Variants in LIN7A observed in about 807,000 individuals in gnomAD.
LIN7A encodes the protein lin-7 cell polarity scaffold A, also known as protein lin-7 homolog A.
A neutral mutation model predicts 29.8 loss-of-function variants in LIN7A; 25 were observed. The ratio of observed to expected loss-of-function variants is 0.84; its 90% CI spans 0.61 to 1.17. LIN7A has a LOEUF of 1.17. Among genes scored for constraint, LIN7A ranks in the 50% most tolerant of loss-of-function variants. The pLI is 0.00. For missense variants in LIN7A, 239 were observed against 287.0 expected (o/e 0.83, Z 1.21); for synonymous variants, 118 against 107.5 (o/e 1.10, Z -0.60).
intron 2 of LIN7A, among the ~76,000 whole-genome samples, chr12:80,865,642 C>A (rs1228043422): frequency 6.6e-6 from 1 of 152,164 alleles, no homozygotes; most frequent in Admixed American, 6.5e-5. Flanking sequence ...AGATTCTCTG[C>A]AAGATGATGG....
chr12:80,906,532 G>C (rs908758536), intron 1 of LIN7A, among the ~76,000 whole-genome samples: 21 of 151,900 alleles, frequency 1.4e-4, no homozygotes, highest in African/African-American at 5.1e-4. Context: ...GCTTTCTCAG[G>C]TTCATGCTTT....
At chr12:80,849,523 C>A (rs6539533) in intron 2 of LIN7A, among the ~76,000 whole-genome samples, 100,347 of 151,836 alleles carry the variant, frequency 0.66, 34,818 homozygotes, top group East Asian at 0.92. Context: ...GCCATCAAAC[C>A]ATATACACTT....
At chr12:80,824,098 A>G (rs1186236740) in intron 4 of LIN7A, among the ~76,000 whole-genome samples, 1 of 152,210 alleles carries the variant, frequency 6.6e-6, no homozygotes, top group Non-Finnish European at 1.5e-5. Context: ...ATTTGAAAAG[A>G]CAAATAAAAT....
At chr12:80,809,078 TG>T (rs1333107851) in intron 5 of LIN7A, among the ~76,000 whole-genome samples, 1 of 151,580 alleles carries the variant, frequency 6.6e-6, no homozygotes, top group Non-Finnish European at 1.5e-5. Flanking sequence ...CTCCATCTCC[TG>T]GGTTCAAGCA....
intron 2 of LIN7A, among the ~76,000 whole-genome samples, chr12:80,874,987 C>A (rs948259698): frequency 3.3e-5 from 5 of 152,090 alleles, no homozygotes; most frequent in Non-Finnish European, 7.4e-5. Context: ...GGTGACAGAG[C>A]GAGATTCTGT....
intron 1 of LIN7A, among the ~76,000 whole-genome samples, chr12:80,910,355 T>C (rs938345651): frequency 1.3e-4 from 20 of 152,166 alleles, no homozygotes; most frequent in African/African-American, 4.1e-4. Context: ...TCCATTCAAA[T>C]CTATATTACG....
At chr12:80,882,841 G>A (rs1258998123) in intron 2 of LIN7A, among the ~76,000 whole-genome samples, 1 of 152,040 alleles carries the variant, frequency 6.6e-6, no homozygotes, top group Non-Finnish European at 1.5e-5. Flanking sequence ...ACAATCCTAT[G>A]TAGTTATTAT....
Position 80,819,225 on chromosome 12 carries a change from A to C in LIN7A, c.484-7542T>G, listed in dbSNP as rs960955631. Among the ~76,000 whole-genome samples, 12 of 152,196 alleles carry C rather than the reference A, an allele frequency of 7.9e-5. No homozygotes were observed. The South Asian group carries it at 1.9e-3, about 24-fold the overall frequency. ...ATTAAACCATCCTAAATATGTATGC[A>C]CAGTAAAGGAAAAAATGTAGTATAC... On this transcript the variant is annotated intron_variant, in intron 4 of 5. Coordinates refer to ENST00000552864, the MANE Select transcript of LIN7A (RefSeq NM_004664.4).
chr12:80,848,605 T>C (rs1873186660), intron 2 of LIN7A, among the ~76,000 whole-genome samples: 1 of 151,794 alleles, frequency 6.6e-6, no homozygotes, highest in Non-Finnish European at 1.5e-5. Flanking sequence ...GTATCTATGG[T>C]AAAATAAATT....
intron 1 of LIN7A, among the ~76,000 whole-genome samples, chr12:80,892,563 G>C (rs2120670288): frequency 6.6e-6 from 1 of 152,246 alleles, no homozygotes; most frequent in Middle Eastern, 3.4e-3. Flanking sequence ...CTCAACCTGG[G>C]CTGTGCATTG....
At chr12:80,824,548 A>G (rs1282838859) in intron 4 of LIN7A, among the ~76,000 whole-genome samples, 2 of 152,210 alleles carry the variant, frequency 1.3e-5, no homozygotes, top group Admixed American at 1.3e-4. Flanking sequence ...AAAACCAGGA[A>G]AGGACATAAC....
chr12:80,895,880 G>A (rs1259842125), intron 1 of LIN7A, among the ~76,000 whole-genome samples: 1 of 152,162 alleles, frequency 6.6e-6, no homozygotes, highest in East Asian at 1.9e-4. Flanking sequence ...CAGGCCTAAT[G>A]TCCTCACTGA....
intron 2 of LIN7A, among the ~76,000 whole-genome samples, chr12:80,853,650 A>C (rs1873444107): frequency 1.3e-5 from 2 of 152,194 alleles, no homozygotes; most frequent in African/African-American, 2.4e-5. Context: ...AAAAAAAAAA[A>C]ACATACTGAC....
chr12:80,794,133 T>C lies in LIN7A; in HGVS notation c.*3594A>G, dbSNP rs932387011. The stretch of plus-strand genomic sequence containing the variant: ...TAGTGACAATCAGTATAATATAAGC[T>C]GGTAAAATTTGTGAGATTTTCAGAA... On this transcript the variant is annotated 3_prime_UTR_variant, in exon 6 of 6. Coordinates refer to ENST00000552864, the MANE Select transcript of LIN7A (RefSeq NM_004664.4). The C allele has an allele frequency of 3.3e-5, 5 of 152,212 alleles. No individual in the cohort carries two copies. In the East Asian group the frequency reaches 7.7e-4, roughly 23 times the overall value. 9.4% of individuals were successfully genotyped at this position (152,212 alleles called of 1,614,324 possible).
At chr12:80,905,565 C>T (rs1876435993) in intron 1 of LIN7A, among the ~76,000 whole-genome samples, 1 of 151,976 alleles carries the variant, frequency 6.6e-6, no homozygotes, top group African/African-American at 2.4e-5. Context: ...TATTTTATCT[C>T]CTTGAGCTGG....
intron 5 of LIN7A, among the ~76,000 whole-genome samples, chr12:80,809,270 GCTT>G (rs1422159514): frequency 1.3e-5 from 2 of 152,168 alleles, no homozygotes; most frequent in African/African-American, 4.8e-5. Context: ...CCAGCCTGTA[GCTT>G]CTTCTTTTCA....
intron 4 of LIN7A, among the ~76,000 whole-genome samples, chr12:80,837,901 T>C (rs1488640360): frequency 6.8e-6 from 1 of 146,930 alleles, no homozygotes; most frequent in Non-Finnish European, 1.5e-5. Flanking sequence ...TTATAACCCT[T>C]TTTTTTTGTT....
intron 4 of LIN7A, chr12:80,842,226 C>A: frequency 1.2e-6 from 1 of 803,968 alleles, no homozygotes; most frequent in Admixed American, 3.2e-5. Context: ...ACCTAACATT[C>A]CATGTTAATA....
intron 2 of LIN7A, among the ~76,000 whole-genome samples, chr12:80,876,947 C>A (rs933114812): frequency 6.6e-6 from 1 of 151,644 alleles, no homozygotes; most frequent in Admixed American, 6.6e-5. Context: ...CATGATGAAA[C>A]CCCGTCTCTA....
Sources: allele counts gnomAD v4.1 joint callset (sites outside exome capture counted in the v4.1 genomes callset), GRCh38; gene constraint gnomAD v4.1.1; transcripts MANE v1.5; gene names NCBI Gene and HGNC (gene_info 2026-07-23, HGNC 2026-07-21).